The following SLC9D1 variants were observed in gnomAD, a reference collection of about 807,000 sequenced individuals.
SLC9D1 encodes solute carrier family 9 member D1, also known as putative LAG1-interacting protein.
chr13:113,530,294 G>A, the SLC9D1 span: 1 of 152,222 alleles, frequency 6.6e-6, no homozygotes, highest in East Asian at 1.9e-4. Context: ...TGTGGTAATA[G>A]TTGTGTAATT....
the SLC9D1 span, chr13:113,495,955 A>T: frequency 6.2e-7 from 1 of 1,613,966 alleles, no homozygotes; most frequent in Admixed American, 1.7e-5. Flanking sequence ...CAGGGGGATT[A>T]CAAAGATGTC....
chr13:113,495,956 C>A, the SLC9D1 span: 1 of 1,613,830 alleles, frequency 6.2e-7, no homozygotes, highest in Non-Finnish European at 8.5e-7. Flanking sequence ...AGGGGGATTA[C>A]AAAGATGTCG....
the SLC9D1 span, chr13:113,520,483 C>CAA: frequency 0.11 from 39,452 of 358,262 alleles, 2,132 homozygotes; most frequent in African/African-American, 0.36. Context: ...AACTCCATCT[C>CAA]AAAAAAAAAA....
the SLC9D1 span, among the ~76,000 whole-genome samples, chr13:113,517,617 TG>T: frequency 2.7e-4 from 41 of 152,314 alleles, no homozygotes; most frequent in African/African-American, 9.1e-4. Context: ...CAGAGCTTTG[TG>T]CATCAACATG....
the SLC9D1 span, among the ~76,000 whole-genome samples, chr13:113,495,029 T>C: frequency 6.6e-6 from 1 of 152,136 alleles, no homozygotes; most frequent in Admixed American, 6.5e-5. Context: ...CAGGCCCATA[T>C]TTTTAGTAGA....
At chr13:113,519,830 C>T in the SLC9D1 span, among the ~76,000 whole-genome samples, 1 of 152,208 alleles carries the variant, frequency 6.6e-6, no homozygotes. Context: ...GACATCAAGT[C>T]TGTGTTGGTC....
chr13:113,531,684 G>A, the SLC9D1 span, among the ~76,000 whole-genome samples: 1 of 151,788 alleles, frequency 6.6e-6, no homozygotes, highest in Admixed American at 6.6e-5. Context: ...GTGACACGGC[G>A]CCCCGTACAT....
chr13:113,533,194 G>A, the SLC9D1 span, among the ~76,000 whole-genome samples: 5 of 148,172 alleles, frequency 3.4e-5, no homozygotes, highest in Non-Finnish European at 7.5e-5. Flanking sequence ...GCCCTGCAGC[G>A]AGCTCTGAAT....
the SLC9D1 span, among the ~76,000 whole-genome samples, chr13:113,543,689 G>A: frequency 6.7e-6 from 1 of 149,768 alleles, no homozygotes; most frequent in African/African-American, 2.5e-5. Flanking sequence ...GGCTGCCCTG[G>A]CCGTGGCGTG....
At chr13:113,547,494 C>A in the SLC9D1 span, 1 of 821,586 alleles carries the variant, frequency 1.2e-6, no homozygotes, top group Non-Finnish European at 2.0e-6. Flanking sequence ...CCCTGCTCCT[C>A]ATCTCGGAGG....
At chr13:113,546,929 C>T in the SLC9D1 span, among the ~76,000 whole-genome samples, 2 of 152,190 alleles carry the variant, frequency 1.3e-5, no homozygotes, top group Admixed American at 6.5e-5. The surrounding 1 kb of genome is among the most constrained non-coding windows in gnomAD (Gnocchi z 7.1). Context: ...CACTCCTGGG[C>T]ACTCCTGGGC....
chr13:113,495,144 C>T, the SLC9D1 span, among the ~76,000 whole-genome samples: 33 of 152,194 alleles, frequency 2.2e-4, no homozygotes, highest in African/African-American at 8.0e-4. Context: ...CATAAGCCAC[C>T]ATGCCCAACC....
At chr13:113,492,431 A>G in the SLC9D1 span, among the ~76,000 whole-genome samples, 1 of 152,224 alleles carries the variant, frequency 6.6e-6, no homozygotes, top group Non-Finnish European at 1.5e-5. Flanking sequence ...TTGCAAAACC[A>G]TAGTATATGT....
chr13:113,494,579 G>A, the SLC9D1 span, among the ~76,000 whole-genome samples: 1 of 152,036 alleles, frequency 6.6e-6, no homozygotes, highest in Non-Finnish European at 1.5e-5. Context: ...ATTGTTTTAG[G>A]TATTCCTAAA....
At chr13:113,496,222 C>A in the SLC9D1 span, among the ~76,000 whole-genome samples, 3 of 152,228 alleles carry the variant, frequency 2.0e-5, no homozygotes, top group Non-Finnish European at 2.9e-5. Flanking sequence ...AAAAATCTCT[C>A]ATGTGAGGGA....
the SLC9D1 span, among the ~76,000 whole-genome samples, chr13:113,522,283 C>T: frequency 6.6e-6 from 1 of 152,238 alleles, no homozygotes; most frequent in African/African-American, 2.4e-5. Flanking sequence ...GTGGTGGATT[C>T]TGTCGATTGC....
chr13:113,495,685 T>TGCACC, the SLC9D1 span: 1 of 1,612,106 alleles, frequency 6.2e-7, no homozygotes, highest in Non-Finnish European at 8.5e-7. Flanking sequence ...GTGATCAAAC[T>TGCACC]GCACCGCGGG....
At chr13:113,514,784 T>C in the SLC9D1 span, among the ~76,000 whole-genome samples, 1 of 152,216 alleles carries the variant, frequency 6.6e-6, no homozygotes, top group Admixed American at 6.5e-5. Flanking sequence ...TGGCTTGATC[T>C]TGGCTCACTG....
the SLC9D1 span, chr13:113,549,809 G>A: frequency 1.7e-6 from 1 of 572,696 alleles, no homozygotes; most frequent in African/African-American, 1.9e-5. Flanking sequence ...GTGCCTGGAT[G>A]TGCCTTTTTT....
Sources: allele counts gnomAD v4.1 joint callset (sites outside exome capture counted in the v4.1 genomes callset), GRCh38; gene constraint gnomAD v4.1.1; non-coding constraint Gnocchi (gnomAD v3.1); transcripts MANE v1.5; gene names NCBI Gene and HGNC (gene_info 2026-07-23, HGNC 2026-07-21).